The following DHX57 variants were observed in gnomAD, a reference collection of about 807,000 sequenced individuals.
The protein encoded by DHX57 is putative ATP-dependent RNA helicase DHX57.
Under a neutral mutation model 156.2 loss-of-function variants are expected in DHX57, and 105 were observed. That is an observed-to-expected ratio of 0.67 (90% CI 0.57 to 0.79). The LOEUF (loss-of-function observed/expected upper bound fraction) is 0.79, where lower values mean the gene tolerates loss of function less well. Ranked by LOEUF, DHX57 falls within the 30% of genes least tolerant of loss-of-function variation. DHX57 has a pLI of 0.00. For missense variants in DHX57, 1,847 were observed against 1,661.9 expected (o/e 1.11, Z -1.94); for synonymous variants, 704 against 595.6 (o/e 1.18, Z -2.65).
At chr2:38,815,463 T>A in intron 20 of DHX57, 58 bp downstream of exon 20, 9 of 1,606,904 alleles carry the variant, frequency 5.6e-6, no homozygotes, top group Non-Finnish European at 7.7e-6. Flanking sequence ...GTTCCCAGGT[T>A]AAGATTGTAT....
At chr2:38,805,509 T>G (rs866716429) in intron 22 of DHX57, among the ~76,000 whole-genome samples, 2 of 152,098 alleles carry the variant, frequency 1.3e-5, no homozygotes, top group Non-Finnish European at 2.9e-5. Context: ...GTAAGATTAT[T>G]ATAGAATTTC....
chr2:38,818,048 A>T (rs901282864), intron 19 of DHX57, among the ~76,000 whole-genome samples: 1 of 152,178 alleles, frequency 6.6e-6, no homozygotes, highest in African/African-American at 2.4e-5. Flanking sequence ...GATGTAAGAA[A>T]AATTAACAAA....
rs4670898 is a variant in DHX57 at position 38,819,007 on chromosome 2, C to A, written c.3387+42G>T. ...ACTGAACTTACTCAGTCTTCAGTGC[C>A]AACACTGGTAATAAAACTAAGCTAT... is the stretch of plus-strand genomic sequence containing the variant. On this transcript the variant is annotated intron_variant, in intron 18 of 23. Coordinates refer to ENST00000457308, the MANE Select transcript of DHX57 (RefSeq NM_198963.3). The A allele has an allele frequency of 6.2e-3, 9,932 of 1,613,880 alleles. 817 individuals are homozygous for A. In the Admixed American group the frequency reaches 0.15, roughly 24 times the overall value.
chr2:38,833,862 A>T (rs188794476), intron 13 of DHX57, among the ~76,000 whole-genome samples: 1 of 152,314 alleles, frequency 6.6e-6, no homozygotes, highest in Admixed American at 6.5e-5. Flanking sequence ...AGAAAGAGAT[A>T]TGTCATGAAT....
Position 38,861,439 on chromosome 2 carries a change from T to C in DHX57, c.971A>G (p.Glu324Gly), listed in dbSNP as rs754783951. 4.3e-6 allele frequency: 7 copies of C among 1,613,976 alleles called. No homozygotes were observed. Among genetic ancestry groups the C allele is most frequent in the Non-Finnish European group, 5.9e-6 (7 of 1,180,044 alleles). ...KFGSKCRFKHEVPPNQIVGRI... is the reference protein window; with the variant it reads ...KFGSKCRFKHGVPPNQIVGRI... Reference sequence around the variant, plus strand: ...TCCAACAATTTGATTTGGGGGCACTTCATGTTTGAATCTGCATTTTGATCC... The same window carrying C: ...TCCAACAATTTGATTTGGGGGCACTCCATGTTTGAATCTGCATTTTGATCC... The change falls in exon 5 of 24, where the codon GAA (glutamate) becomes GGA (glycine). Residue 324 changes from glutamate to glycine, a missense_variant. Physicochemically the swap from Glu to Gly is moderately conservative, Grantham distance 98. Coordinates refer to ENST00000457308, the MANE Select transcript of DHX57 (RefSeq NM_198963.3).
chr2:38,865,802 A>G (rs572572436), intron 2 of DHX57, among the ~76,000 whole-genome samples: 1 of 152,320 alleles, frequency 6.6e-6, no homozygotes, highest in East Asian at 1.9e-4. Context: ...TCCAGCCTAG[A>G]TCTTTTTCTT....
intron 23 of DHX57, among the ~76,000 whole-genome samples, chr2:38,799,361 C>T (rs1247421670): frequency 2.8e-5 from 4 of 142,422 alleles, no homozygotes; most frequent in Non-Finnish European, 4.5e-5. Context: ...AGCGAAACTC[C>T]GTTTCAAAAA....
rs547584255 is a variant in DHX57, at chr2:38,823,015, C to T, written c.3269G>A (p.Ser1090Asn). Residue 1090 changes from serine to asparagine, a missense_variant, in exon 17 of 24, where the codon AGT (serine) becomes AAT (asparagine). Transcript: ENST00000457308. ...CLDPALTIAASLAFKSPFVSP... is the reference protein window; with the variant it reads ...CLDPALTIAANLAFKSPFVSP... ...TACAAACGGAGACTTAAAAGCCAAA[C>T]TGGCAGCAATGGTGAGAGCAGGATC... The T allele has an allele frequency of 9.3e-6, 15 of 1,614,076 alleles. No homozygotes were observed. In the East Asian group the frequency reaches 2.9e-4, roughly 31 times the overall value.
At chr2:38,826,766 A>C (rs1048453070) in intron 14 of DHX57, 77 bp from the exon 15 acceptor site, 6 of 1,466,810 alleles carry the variant, frequency 4.1e-6, no homozygotes, top group Non-Finnish European at 5.6e-6. Flanking sequence ...AATTTCTACT[A>C]AAACCAACAA....
chr2:38,870,080 T>G (rs192820271), intron 1 of DHX57, among the ~76,000 whole-genome samples: 1 of 152,182 alleles, frequency 6.6e-6, no homozygotes, highest in Admixed American at 6.5e-5. Flanking sequence ...AAAAATTCAC[T>G]AGAGAAGCTC....
intron 6 of DHX57, 198 bp from the exon 7 acceptor site, chr2:38,856,659 A>T: frequency 1.9e-6 from 1 of 539,292 alleles, no homozygotes; most frequent in Non-Finnish European, 2.9e-6. Context: ...GTGTGCCACT[A>T]TACCCGGCTT....
At chr2:38,819,768 A>G (rs575266499) in intron 17 of DHX57, among the ~76,000 whole-genome samples, 2 of 152,304 alleles carry the variant, frequency 1.3e-5, no homozygotes, top group South Asian at 2.1e-4. Flanking sequence ...TTTATTTTAC[A>G]GATTCTTATT....
At position 38,848,355 on chromosome 2, in the gene DHX57, C is replaced by G. The variant is rs1247495801; in HGVS notation, c.2078G>C (p.Gly693Ala). 6.2e-7 allele frequency: 1 copy of G among 1,611,926 alleles called. No homozygotes were observed. The highest frequency in any genetic ancestry group is 8.5e-7 in the Non-Finnish European group (1 of 1,179,216). Residue 693 changes from glycine to alanine, a missense_variant, in exon 10 of 24, where the codon GGT (glycine) becomes GCT (alanine). Physicochemically the swap from Gly to Ala is moderately conservative, Grantham distance 60 (BLOSUM62 0). Coordinates refer to ENST00000457308, the MANE Select transcript of DHX57 (RefSeq NM_198963.3). ...VLKDIVSQRPGLQVILMSATL... is the reference protein window; with the variant it reads ...VLKDIVSQRPALQVILMSATL... ...TGCACTCATTAAAATAACTTGAAGA[C>G]CTGGCCTCTGCGATACAATGTCCTT...
intron 20 of DHX57, among the ~76,000 whole-genome samples, chr2:38,815,069 T>C (rs1303012151): frequency 4.2e-5 from 6 of 142,556 alleles, no homozygotes; most frequent in Non-Finnish European, 7.8e-5. Context: ...AATTTTTTTA[T>C]ACTTTTTTTT....
At chr2:38,834,523 A>C (rs372303281) in intron 13 of DHX57, among the ~76,000 whole-genome samples, 169 of 152,228 alleles carry the variant, frequency 1.1e-3, no homozygotes, top group African/African-American at 3.7e-3. Flanking sequence ...TCTCCAAGTA[A>C]GTCATTTGTT....
chr2:38,865,713 A>G (rs1375910757), intron 2 of DHX57, among the ~76,000 whole-genome samples: 1 of 152,166 alleles, frequency 6.6e-6, no homozygotes, highest in Non-Finnish European at 1.5e-5. Flanking sequence ...GGGCTCAAAC[A>G]TCAGATACCT....
At chr2:38,848,503 TG>T in intron 9 of DHX57, 101 bp from the exon 10 acceptor site, 1 of 1,235,064 alleles carries the variant, frequency 8.1e-7, no homozygotes. Flanking sequence ...AAGATCTCTG[TG>T]AAAAAAAAAA....
intron 3 of DHX57, chr2:38,863,031 G>A (rs951757465): frequency 4.1e-5 from 8 of 195,940 alleles, no homozygotes; most frequent in Admixed American, 2.2e-4. Context: ...GCACCTGACC[G>A]AGTCAATATT....
intron 21 of DHX57, among the ~76,000 whole-genome samples, chr2:38,809,456 GT>G (rs1553322177): frequency 1.1e-3 from 127 of 110,984 alleles, no homozygotes; most frequent in African/African-American, 3.1e-3. Flanking sequence ...ATTTCTTTCT[GT>G]TTTTTTTTTT....
Sources: gnomAD v4.1 joint callset for allele counts (sites outside exome capture counted in the v4.1 genomes callset) on GRCh38, gnomAD v4.1.1 for gene constraint, MANE v1.5 for transcripts, NCBI Gene and HGNC (gene_info 2026-07-23, HGNC 2026-07-21) for gene names.